TLR4: variants seen among roughly 807,000 people sequenced by gnomAD.
TLR4 encodes the protein toll-like receptor 4.
Under a neutral mutation model 27.4 loss-of-function variants are expected in TLR4, and 17 were observed. The observed-to-expected ratio is 0.62, with a 90% CI of 0.42 to 0.93. The LOEUF (loss-of-function observed/expected upper bound fraction) is 0.93, where lower values mean the gene tolerates loss of function less well. Among genes scored for constraint, TLR4 ranks in the 40% least tolerant of loss-of-function variants. The probability of loss-of-function intolerance (pLI) is 0.00; values close to 1 mark genes in which losing one functional copy is unlikely to be tolerated. For synonymous variants in TLR4, 363 were observed against 365.7 expected (o/e 0.99, Z 0.08); for missense variants, 926 against 962.3 (o/e 0.96, Z 0.50).
At chr9:117,706,238 C>T (rs1162999938) in intron 1 of TLR4, among the ~76,000 whole-genome samples, 1 of 152,134 alleles carries the variant, frequency 6.6e-6, no homozygotes, top group Non-Finnish European at 1.5e-5. Flanking sequence ...TCACTCCATT[C>T]AGATCTCTGA....
rs748244084 is a variant in TLR4, at chr9:117,704,468, C to G, written c.-5C>G. 7 of 1,612,202 alleles carry G rather than the reference C, an allele frequency of 4.3e-6. No homozygotes were observed. Among genetic ancestry groups the G allele is most frequent in the Non-Finnish European group, 5.9e-6 (7 of 1,179,736 alleles). On this transcript the variant is annotated 5_prime_UTR_variant, in exon 1 of 3. Coordinates refer to ENST00000355622, the MANE Select transcript of TLR4 (RefSeq NM_138554.5). ...GCTCACAGAAGCAGTGAGGATGATG[C>G]CAGGATGATGTCTGCCTCGCGCCTG...
chr9:117,714,849 C>G lies in TLR4; in HGVS notation c.*201C>G, dbSNP rs1314121531. Reference sequence around the variant, plus strand: ...TAAATGCTAGACTAAAATACAGAGTCTTCCAGGTGGGCATTTCAACCAACT... The same window carrying G: ...TAAATGCTAGACTAAAATACAGAGTGTTCCAGGTGGGCATTTCAACCAACT... On this transcript the variant is annotated 3_prime_UTR_variant, in exon 3 of 3. Coordinates refer to ENST00000355622, the MANE Select transcript of TLR4 (RefSeq NM_138554.5). 3 of 603,880 alleles carry G rather than the reference C, an allele frequency of 5.0e-6. No homozygotes were observed. Among genetic ancestry groups the G allele is most frequent in the Non-Finnish European group, 8.8e-6 (3 of 341,780 alleles). 37.4% of individuals were successfully genotyped at this position (603,880 alleles called of 1,614,324 possible).
chr9:117,714,674 G>A lies in TLR4; in HGVS notation c.*26G>A. 3 of 1,601,452 alleles carry A rather than the reference G, an allele frequency of 1.9e-6. No individual in the cohort carries two copies. The highest frequency in any genetic ancestry group is 2.6e-6 in the Non-Finnish European group (3 of 1,171,932). On this transcript the variant is annotated 3_prime_UTR_variant, in exon 3 of 3. Transcript: ENST00000355622. ...AGAGGAAAAATAAAAACCTCCTGAG[G>A]CATTTCTTGCCCAGCTGGGTCCAAC...
At chr9:117,709,503 A>T (rs1424221292) in intron 2 of TLR4, among the ~76,000 whole-genome samples, 1 of 152,142 alleles carries the variant, frequency 6.6e-6, no homozygotes, top group Non-Finnish European at 1.5e-5. Context: ...AGGGAAGTAT[A>T]TCGTTTGTTG....
chr9:117,708,169 TG>T, intron 1 of TLR4: 1 of 1,014,998 alleles, frequency 9.9e-7, no homozygotes, highest in Non-Finnish European at 1.2e-6. Flanking sequence ...GTTTTTCTTT[TG>T]TTCGTTTTAT....
Position 117,713,008 on chromosome 9 carries a change from GACT to G in TLR4, c.886_888del (p.Tyr296del), listed in dbSNP as rs1564265780. 1.2e-6 allele frequency: 2 copies of G among 1,614,028 alleles called. No homozygotes were observed. Among genetic ancestry groups the G allele is most frequent in the African/African-American group, 1.3e-5 (1 of 75,042 alleles). ...TGAAGAATTCCGATTAGCATACTTA[GACT>G]ACTACCTCGATGATATTATTGACTT... On this transcript the variant is annotated inframe_deletion, in exon 3 of 3. Coordinates refer to ENST00000355622, the MANE Select transcript of TLR4 (RefSeq NM_138554.5).
At position 117,719,760 on chromosome 9, in the gene TLR4, A is replaced by G. The variant is rs1829401654; in HGVS notation, c.*5112A>G. 1 of 152,124 alleles carries G rather than the reference A, an allele frequency of 6.6e-6. No individual in the cohort carries two copies. Among genetic ancestry groups the G allele is most frequent in the Non-Finnish European group, 1.5e-5 (1 of 68,038 alleles). The allele number at this position is 152,124 out of a possible 1,614,324, so 9.4% of individuals were successfully genotyped here. On this transcript the variant is annotated 3_prime_UTR_variant, in exon 3 of 3. Coordinates refer to ENST00000355622, the MANE Select transcript of TLR4 (RefSeq NM_138554.5). ...GTTCCAAAAGCTTAGGACTTTCCAGATGGTTGGAATAAGATCACACACTCT... is the reference window on the plus strand; with the variant it reads ...GTTCCAAAAGCTTAGGACTTTCCAGGTGGTTGGAATAAGATCACACACTCT...
Position 117,716,811 on chromosome 9 carries a change from G to A in TLR4, c.*2163G>A, listed in dbSNP as rs1829356076. On this transcript the variant is annotated 3_prime_UTR_variant, in exon 3 of 3. Transcript: ENST00000355622. ...ATTGTGGTGATGGTTTGACAGGTAT[G>A]TGACTATGTCTAAACTCATCAAATT... 6.6e-6 allele frequency: 1 copy of A among 152,168 alleles called. No homozygotes were observed. The highest frequency in any genetic ancestry group is 2.4e-5 in the African/African-American group (1 of 41,448). The allele number at this position is 152,168 out of a possible 1,614,324, so 9.4% of individuals were successfully genotyped here.
In TLR4 at chr9:117,708,623, C is replaced by A; in HGVS notation, c.154C>A (p.Leu52Ile). The A allele has an allele frequency of 1.2e-6, 2 of 1,613,990 alleles. No individual in the cohort carries two copies. Among genetic ancestry groups the A allele is most frequent in the Non-Finnish European group, 8.5e-7 (1 of 1,179,884 alleles). The change falls in exon 2 of 3, where the codon CTC becomes ATC. Residue 52 changes from leucine to isoleucine, a missense_variant. By Grantham distance (5) the Leu-to-Ile change is conservative (BLOSUM62 2). Transcript: ENST00000355622. ...GAATTTCTACAAAATCCCCGACAAC[C>A]TCCCCTTCTCAACCAAGAACCTGGA... ...ELNFYKIPDN[L>I]PFSTKNLDLS... is the part of the protein sequence containing the mutation.
rs539354982 is a variant in TLR4, at chr9:117,719,389, T to C, written c.*4741T>C. ...ACTGAGATTAGGATCTAAGTCCACT[T>C]CACCGCAGAAGCAGGGCTTCTAAAT... On this transcript the variant is annotated 3_prime_UTR_variant, in exon 3 of 3. Coordinates refer to ENST00000355622, the MANE Select transcript of TLR4 (RefSeq NM_138554.5). The C allele has an allele frequency of 6.6e-6, 1 of 152,290 alleles. No individual in the cohort carries two copies. Among genetic ancestry groups the C allele is most frequent in the East Asian group, 1.9e-4 (1 of 5,178 alleles). 9.4% of individuals were successfully genotyped at this position (152,290 alleles called of 1,614,324 possible).
In TLR4 at chr9:117,714,453, G is replaced by A; in HGVS notation, c.2325G>A (p.Glu775=). The part of the protein sequence containing the change: ...GIIFIVLQKV[E]KTLLRQQVEL... ...TCTTCATTGTCCTGCAGAAGGTGGA[G>A]AAGACCCTGCTCAGGCAGCAGGTGG... The change falls in exon 3 of 3, where the codon GAG becomes GAA. Residue 775 remains glutamate (E), a synonymous_variant. Transcript: ENST00000355622. 1 of 1,613,922 alleles carries A rather than the reference G, an allele frequency of 6.2e-7. No homozygotes were observed. Among genetic ancestry groups the A allele is most frequent in the South Asian group, 1.1e-5 (1 of 91,072 alleles).
Position 117,713,624 on chromosome 9 carries a change from C to T in TLR4, c.1496C>T (p.Thr499Ile), listed in dbSNP as rs1467084564. Residue 499 changes from threonine to isoleucine, a missense_variant, in exon 3 of 3, where the codon ACC becomes ATC. Physicochemically the swap from Thr to Ile is moderately conservative, Grantham distance 89. Transcript: ENST00000355622. The stretch of plus-strand genomic sequence containing the variant: ...ATCTTCACAGAGCTGAGAAACTTGA[C>T]CTTCCTGGACCTCTCTCAGTGTCAA... The part of the protein sequence containing the change: ...PDIFTELRNL[T>I]FLDLSQCQLE... 6.2e-7 allele frequency: 1 copy of T among 1,614,062 alleles called. No individual in the cohort carries two copies. The highest frequency in any genetic ancestry group is 2.2e-5 in the East Asian group (1 of 44,876).
Position 117,719,731 on chromosome 9 carries a change from G to C in TLR4, c.*5083G>C, listed in dbSNP as rs560068862. 2.6e-5 allele frequency: 4 copies of C among 152,212 alleles called. No individual in the cohort carries two copies. Among genetic ancestry groups the C allele is most frequent in the Admixed American group, 6.5e-5 (1 of 15,276 alleles). 9.4% of individuals were successfully genotyped at this position (152,212 alleles called of 1,614,324 possible). A position where few individuals can be genotyped will look rare whatever the true frequency, so the allele number is the denominator to read the frequency against. On this transcript the variant is annotated 3_prime_UTR_variant, in exon 3 of 3. Coordinates refer to ENST00000355622, the MANE Select transcript of TLR4 (RefSeq NM_138554.5). Reference sequence around the variant, plus strand: ...TGTGATTAAACACAGAGGTTATGGGGGAAGTTCCAAAAGCTTAGGACTTTC... The same window carrying C: ...TGTGATTAAACACAGAGGTTATGGGCGAAGTTCCAAAAGCTTAGGACTTTC...
At chr9:117,705,285 C>T (rs1829118485) in intron 1 of TLR4, among the ~76,000 whole-genome samples, 2 of 152,200 alleles carry the variant, frequency 1.3e-5, no homozygotes, top group East Asian at 1.9e-4. Flanking sequence ...GCTTTAGAAA[C>T]CCATAGTAGA....
chr9:117,708,342 G>A, intron 1 of TLR4: 14 of 1,361,170 alleles, frequency 1.0e-5, no homozygotes, highest in Non-Finnish European at 1.1e-5. Context: ...GCACGTAGTA[G>A]GTGCTCTTTA....
rs916826947 is a variant in TLR4, at chr9:117,717,892, A to C, written c.*3244A>C. The C allele has an allele frequency of 6.6e-6, 1 of 152,206 alleles. No homozygotes were observed. Among genetic ancestry groups the C allele is most frequent in the Non-Finnish European group, 1.5e-5 (1 of 68,032 alleles). 9.4% of individuals were successfully genotyped at this position (152,206 alleles called of 1,614,324 possible). A position where few individuals can be genotyped will look rare whatever the true frequency, so the allele number is the denominator to read the frequency against. ...ACAAGCAGGGAAAGAAATTATATGC[A>C]TAGAACAGAAGGAGAAGAAAGAGTA... On this transcript the variant is annotated 3_prime_UTR_variant, in exon 3 of 3. Coordinates refer to ENST00000355622, the MANE Select transcript of TLR4 (RefSeq NM_138554.5).
intron 1 of TLR4, among the ~76,000 whole-genome samples, chr9:117,704,999 G>T (rs1480909759): frequency 1.3e-5 from 2 of 152,074 alleles, no homozygotes; most frequent in African/African-American, 4.8e-5. Context: ...TCAATCTCAG[G>T]AAAAAGATGG....
chr9:117,723,591 T>C lies in TLR4; in HGVS notation c.*8943T>C, dbSNP rs776164114. On this transcript the variant is annotated 3_prime_UTR_variant, in exon 3 of 3. Transcript: ENST00000355622. ...GCTACATAAATGCAAGGAGTTATTATGATAACAGATTGAAAACTCCTCCAA... is the reference window on the plus strand; with the variant it reads ...GCTACATAAATGCAAGGAGTTATTACGATAACAGATTGAAAACTCCTCCAA... The C allele has an allele frequency of 1.3e-5, 2 of 152,212 alleles. No homozygotes were observed. The highest frequency in any genetic ancestry group is 2.4e-5 in the African/African-American group (1 of 41,454). 9.4% of individuals were successfully genotyped at this position (152,212 alleles called of 1,614,324 possible).
At chr9:117,704,609 G>T in intron 1 of TLR4, 44 bp downstream of exon 1, 1 of 1,538,690 alleles carries the variant, frequency 6.5e-7, no homozygotes, top group Non-Finnish European at 9.0e-7. Context: ...CCTCACTTCT[G>T]CCCAGAACTT....
Sources: gnomAD v4.1 joint callset for allele counts (sites outside exome capture counted in the v4.1 genomes callset) on GRCh38, gnomAD v4.1.1 for gene constraint, MANE v1.5 for transcripts, NCBI Gene and HGNC (gene_info 2026-07-23, HGNC 2026-07-21) for gene names.